The following SLC43A1 variants were observed in gnomAD, a reference collection of about 807,000 sequenced individuals.
The protein encoded by SLC43A1 is solute carrier family 43 member 1.
Under a neutral mutation model 59.5 loss-of-function variants are expected in SLC43A1, and 31 were observed. The ratio of observed to expected loss-of-function variants is 0.52; its 90% CI spans 0.39 to 0.70. SLC43A1 has a LOEUF of 0.70. Ranked by LOEUF, SLC43A1 falls within the 30% of genes least tolerant of loss-of-function variation. SLC43A1 has a pLI of 0.00. For synonymous variants in SLC43A1, 259 were observed against 290.9 expected, an observed-to-expected ratio of 0.89 and a Z score of 1.12; for missense variants, 598 against 717.8, an observed-to-expected ratio of 0.83 and a Z score of 1.91.
intron 14 of SLC43A1, 27 bp from the exon 15 acceptor site, chr11:57,485,269 G>A (rs755749506): frequency 6.3e-7 from 1 of 1,597,460 alleles, no homozygotes; most frequent in Non-Finnish European, 8.5e-7. Context: ...GAGAAACAGA[G>A]TCAAGTAGGT....
intron 6 of SLC43A1, among the ~76,000 whole-genome samples, chr11:57,496,670 C>T (rs1190588067): frequency 2.6e-5 from 4 of 152,194 alleles, no homozygotes; most frequent in African/African-American, 9.6e-5. Context: ...GGTCCTCCCA[C>T]GTGCAACAAC....
intron 6 of SLC43A1, 106 bp from the exon 7 acceptor site, chr11:57,496,270 G>T: frequency 7.6e-7 from 1 of 1,315,284 alleles, no homozygotes; most frequent in Non-Finnish European, 1.0e-6. Flanking sequence ...TTCTCCCCTT[G>T]TCCTTGTGCC....
chr11:57,495,361 G>A (rs1002545025), intron 7 of SLC43A1, among the ~76,000 whole-genome samples: 9 of 151,890 alleles, frequency 5.9e-5, no homozygotes, highest in Non-Finnish European at 1.0e-4. Context: ...GTGGTGGCGC[G>A]TGCCTGTAAT....
rs568900527 is a variant in SLC43A1 at position 57,496,188 on chromosome 11, G to A, written c.559-24C>T. 1.0e-4 allele frequency: 167 copies of A among 1,612,350 alleles called. 1 individual carries two copies. In the South Asian group the frequency reaches 1.3e-3, roughly 13 times the overall value. ...AGCTGTGAGAGGAGGGGGCAGGCCCGTGGGGGAGACTGCCTGGCCCCAGAC... is the reference window on the plus strand; with the variant it reads ...AGCTGTGAGAGGAGGGGGCAGGCCCATGGGGGAGACTGCCTGGCCCCAGAC... On this transcript the variant is annotated intron_variant, in intron 6 of 14. Transcript: ENST00000278426.
Position 57,496,046 on chromosome 11 carries a change from T to G in SLC43A1, c.677A>C (p.Glu226Ala). 1 of 1,614,022 alleles carries G rather than the reference T, an allele frequency of 6.2e-7. No individual in the cohort carries two copies. Among genetic ancestry groups the G allele is most frequent in the Non-Finnish European group, 8.5e-7 (1 of 1,179,970 alleles). The change falls in exon 7 of 15, where the codon GAG (glutamate) becomes GCG (alanine). Residue 226 changes from glutamate to alanine, a missense_variant. Coordinates refer to ENST00000278426, the MANE Select transcript of SLC43A1 (RefSeq NM_003627.6). ...NWPIEAFPAPEEVNYTKKIKL... is the reference protein window; with the variant it reads ...NWPIEAFPAPAEVNYTKKIKL... ...AGCCACTCACGTGTAATTGACTTCC[T>G]CAGGGGCAGGAAAGGCTTCGATGGG... is the stretch of plus-strand genomic sequence containing the variant.
rs770337652 is a variant in SLC43A1 at position 57,489,356 on chromosome 11, G to A, written c.1230C>T (p.Tyr410=). The A allele has an allele frequency of 4.3e-6, 7 of 1,614,230 alleles. No individual in the cohort carries two copies. In the South Asian group the frequency reaches 7.7e-5, roughly 18 times the overall value. ...CATTGGTGAGCTTTTGGATCTTGCAGTAGCGTGGTCTGATGGATTTGGTAG... is the reference window on the plus strand; with the variant it reads ...CATTGGTGAGCTTTTGGATCTTGCAATAGCGTGGTCTGATGGATTTGGTAG... ...GVATKSIRPR[Y]CKIQKLTNAI... The change falls in exon 12 of 15, where the codon TAC becomes TAT. Residue 410 remains tyrosine (Y), a synonymous_variant. Transcript: ENST00000278426.
rs775080727 is a variant in SLC43A1 at position 57,487,145 on chromosome 11, GC to G, written c.1482del (p.Gln494HisfsTer12). 98 of 1,613,980 alleles carry G rather than the reference GC, an allele frequency of 6.1e-5. No homozygotes were observed. The highest frequency in any genetic ancestry group is 7.5e-5 in the Non-Finnish European group (88 of 1,179,964). ...SLISAVFALLQQPLFMAMVGP... is the reference protein window; with the variant it reads ...SLISAVFALLXQPLFMAMVGP... ...CCCACCATCGCCATGAAAAGTGGCT[GC>G]TGAAGCAAGGCGAACACAGCACTGA... On this transcript the variant is annotated frameshift_variant, in exon 14 of 15. Transcript: ENST00000278426. LOFTEE classifies it high-confidence loss of function.
chr11:57,501,057 G>A lies in SLC43A1; in HGVS notation c.333-14C>T. Reference sequence around the variant, plus strand: ...GTGAAGCAGGCACTGTGGAGACACAGGGAAGGGCGAGGGGTTGGCCTGTGA... The same window carrying A: ...GTGAAGCAGGCACTGTGGAGACACAAGGAAGGGCGAGGGGTTGGCCTGTGA... On this transcript the variant is annotated splice_polypyrimidine_tract_variant and intron_variant, in intron 3 of 14. Transcript: ENST00000278426. The A allele has an allele frequency of 3.7e-6, 6 of 1,605,882 alleles. No homozygotes were observed. Among genetic ancestry groups the A allele is most frequent in the Non-Finnish European group, 5.1e-6 (6 of 1,176,102 alleles).
chr11:57,505,081 C>G (rs1267244332), intron 2 of SLC43A1, among the ~76,000 whole-genome samples: 1 of 152,192 alleles, frequency 6.6e-6, no homozygotes, highest in Admixed American at 6.5e-5. Context: ...AGTGATTAAG[C>G]TGGGCTTGGA....
chr11:57,493,044 C>T (rs548063676), intron 8 of SLC43A1, among the ~76,000 whole-genome samples: 2 of 151,536 alleles, frequency 1.3e-5, no homozygotes, highest in East Asian at 1.9e-4. Context: ...CATCTCGGGG[C>T]GGGGGGGAAA....
chr11:57,515,008 C>A lies in SLC43A1; in HGVS notation c.-14+436G>T, dbSNP rs1944652773. The A allele has an allele frequency of 1.0e-6, 1 of 984,328 alleles. No individual in the cohort carries two copies. The highest frequency in any genetic ancestry group is 1.7e-5 in the African/African-American group (1 of 57,176). 61.0% of individuals were successfully genotyped at this position (984,328 alleles called of 1,614,324 possible). A position where few individuals can be genotyped will look rare whatever the true frequency, so the allele number is the denominator to read the frequency against. ...TCGGCGGGAGGAGAGGGAACGCGGG[C>A]GGCGCGGGGGCGGGGAGCGACAACT... On this transcript the variant is annotated intron_variant, in intron 1 of 14. Coordinates refer to ENST00000278426, the MANE Select transcript of SLC43A1 (RefSeq NM_003627.6). This position sits in a 1 kb window ranked among gnomAD's most constrained non-coding sequence, Gnocchi z 5.3.
intron 2 of SLC43A1, 67 bp from the exon 3 acceptor site, chr11:57,501,396 C>CCA: frequency 6.4e-7 from 1 of 1,552,672 alleles, no homozygotes; most frequent in East Asian, 2.2e-5. Flanking sequence ...AGACAGCAGC[C>CCA]CACAGTCAGG....
At chr11:57,495,797 C>T (rs187803743) in intron 7 of SLC43A1, among the ~76,000 whole-genome samples, 2 of 152,266 alleles carry the variant, frequency 1.3e-5, no homozygotes, top group East Asian at 3.9e-4. Flanking sequence ...ACACTCCAGC[C>T]TGAGTGACAG....
intron 5 of SLC43A1, among the ~76,000 whole-genome samples, chr11:57,500,381 C>T (rs1944226430): frequency 6.6e-6 from 1 of 152,246 alleles, no homozygotes; most frequent in Non-Finnish European, 1.5e-5. Context: ...TTCTTCCCAG[C>T]ACCTATGACG....
intron 2 of SLC43A1, among the ~76,000 whole-genome samples, chr11:57,512,925 C>T (rs1944590213): frequency 1.3e-5 from 2 of 152,178 alleles, no homozygotes; most frequent in Admixed American, 1.3e-4. Context: ...CTCCCCATCT[C>T]CACCCCTCAA....
At chr11:57,500,082 T>C (rs972812100) in intron 5 of SLC43A1, among the ~76,000 whole-genome samples, 2 of 152,182 alleles carry the variant, frequency 1.3e-5, no homozygotes, top group African/African-American at 4.8e-5. Context: ...CCAACCTCCC[T>C]AAGCCTTTAA....
At chr11:57,505,599 G>A (rs1944375968) in intron 2 of SLC43A1, among the ~76,000 whole-genome samples, 1 of 152,130 alleles carries the variant, frequency 6.6e-6, no homozygotes, top group South Asian at 2.1e-4. Context: ...ACATGTATAT[G>A]TATAACGTGT....
chr11:57,509,966 A>G (rs1383218584), intron 2 of SLC43A1, among the ~76,000 whole-genome samples: 1 of 152,202 alleles, frequency 6.6e-6, no homozygotes, highest in Non-Finnish European at 1.5e-5. Context: ...TATCTAGAAC[A>G]TAAAGAACTC....
chr11:57,506,201 C>T (rs1944392074), intron 2 of SLC43A1, among the ~76,000 whole-genome samples: 1 of 152,140 alleles, frequency 6.6e-6, no homozygotes, highest in African/African-American at 2.4e-5. Flanking sequence ...AAAACATTAG[C>T]TGAGCATAGT....
Sources: allele counts gnomAD v4.1 joint callset (sites outside exome capture counted in the v4.1 genomes callset), GRCh38; gene constraint gnomAD v4.1.1; non-coding constraint Gnocchi (gnomAD v3.1); transcripts MANE v1.5; gene names NCBI Gene and HGNC (gene_info 2026-07-23, HGNC 2026-07-21).